Variants in RBM27 observed in about 807,000 individuals in gnomAD.
The protein encoded by RBM27 is RNA-binding protein 27.
In RBM27, 22 loss-of-function variants were observed where a neutral mutation model predicts 135.3. The observed-to-expected ratio is 0.16, with a 90% CI of 0.12 to 0.23. The LOEUF (loss-of-function observed/expected upper bound fraction) is 0.23. Among genes scored for constraint, RBM27 ranks in the 10% least tolerant of loss-of-function variants. The pLI is 1.00. For missense variants in RBM27, 1,009 were observed against 1,281.0 expected, an observed-to-expected ratio of 0.79 and a Z score of 3.24; for synonymous variants, 481 against 442.4, an observed-to-expected ratio of 1.09 and a Z score of -1.10.
chr5:146,212,873 C>G (rs562707863), intron 1 of RBM27, among the ~76,000 whole-genome samples: 1 of 151,952 alleles, frequency 6.6e-6, no homozygotes, highest in Non-Finnish European at 1.5e-5. Context: ...ACTACCGTGC[C>G]CAGCTAATAA....
intron 19 of RBM27, among the ~76,000 whole-genome samples, chr5:146,275,570 A>C (rs780735710): frequency 2.2e-4 from 33 of 152,126 alleles, no homozygotes; most frequent in Non-Finnish European, 4.3e-4. Flanking sequence ...CCCGGCCCAG[A>C]AAGAACTTTT....
chr5:146,258,246 A>G (rs1758209140), intron 10 of RBM27, among the ~76,000 whole-genome samples: 1 of 152,122 alleles, frequency 6.6e-6, no homozygotes, highest in African/African-American at 2.4e-5. Flanking sequence ...CAATTATTAC[A>G]TCGAGGTTAA....
At chr5:146,215,960 AG>A (rs1440092335) in intron 1 of RBM27, among the ~76,000 whole-genome samples, 6 of 152,114 alleles carry the variant, frequency 3.9e-5, no homozygotes, top group Non-Finnish European at 8.8e-5. Flanking sequence ...CATTTGGGTC[AG>A]GCTGGTCTTG....
At chr5:146,205,771 G>A (rs918269897) in intron 1 of RBM27, among the ~76,000 whole-genome samples, 8 of 152,040 alleles carry the variant, frequency 5.3e-5, no homozygotes, top group Non-Finnish European at 1.2e-4. Context: ...CTGTAATCCC[G>A]ACACTTTGGG....
chr5:146,260,742 T>C lies in RBM27; in HGVS notation c.1740-3T>C. ...AACCAAGATGTATTAATCTTCCTTT[T>C]AGGCAAGGAAATAACAATCAAAATA... On this transcript the variant is annotated splice_polypyrimidine_tract_variant and splice_region_variant and intron_variant, in intron 11 of 20. Coordinates refer to ENST00000265271, the MANE Select transcript of RBM27 (RefSeq NM_018989.2). 4 of 1,598,046 alleles carry C rather than the reference T, an allele frequency of 2.5e-6. No homozygotes were observed. Among genetic ancestry groups the C allele is most frequent in the Non-Finnish European group, 3.4e-6 (4 of 1,173,668 alleles).
intron 6 of RBM27, among the ~76,000 whole-genome samples, chr5:146,232,438 T>A (rs1309163060): frequency 6.6e-6 from 1 of 152,252 alleles, no homozygotes; most frequent in Admixed American, 6.5e-5. Context: ...CCCACATTTT[T>A]AACATAAATA....
intron 8 of RBM27, 30 bp from the exon 9 acceptor site, chr5:146,251,681 C>G: frequency 6.4e-7 from 1 of 1,563,064 alleles, no homozygotes; most frequent in South Asian, 1.1e-5. Flanking sequence ...ACTCTCATTC[C>G]CAGCTGCCCT....
At position 146,280,466 on chromosome 5, in the gene RBM27, C is replaced by G. The variant is rs369149655; in HGVS notation, c.2989-4156C>G. 1.3e-4 allele frequency among the ~76,000 whole-genome samples: 20 copies of G among 152,302 alleles called. No individual in the cohort carries two copies. In the East Asian group the frequency reaches 2.1e-3, roughly 16 times the overall value. ...TCAATGATTTATGAGAAGGCAAACACCTAATATACCTATACCTCAGGTCAA... is the reference window on the plus strand; with the variant it reads ...TCAATGATTTATGAGAAGGCAAACAGCTAATATACCTATACCTCAGGTCAA... On this transcript the variant is annotated intron_variant, in intron 19 of 20. Coordinates refer to ENST00000265271, the MANE Select transcript of RBM27 (RefSeq NM_018989.2).
At chr5:146,272,804 T>G (rs1758925542) in intron 19 of RBM27, among the ~76,000 whole-genome samples, 2 of 152,174 alleles carry the variant, frequency 1.3e-5, no homozygotes, top group African/African-American at 4.8e-5. Context: ...ATTAGTTTGA[T>G]GCCCATTAAC....
chr5:146,237,384 A>AT lies in RBM27; in HGVS notation c.1231_1232insT (p.Arg411MetfsTer24), dbSNP rs772844171. On this transcript the variant is annotated frameshift_variant, in exon 8 of 21. Transcript: ENST00000265271. LOFTEE classifies it high-confidence loss of function. ...GCCCAATCTTGCATCAGTGGGAACA[A>AT]GACTACCTCCTCCTTTACCCCAGAA... The AT allele has an allele frequency of 6.8e-6, 11 of 1,613,970 alleles. No individual in the cohort carries two copies. Among genetic ancestry groups the AT allele is most frequent in the Non-Finnish European group, 2.5e-6 (3 of 1,179,928 alleles).
chr5:146,248,637 T>A (rs1159540235), intron 8 of RBM27, among the ~76,000 whole-genome samples: 1 of 152,188 alleles, frequency 6.6e-6, no homozygotes, highest in Non-Finnish European at 1.5e-5. Flanking sequence ...GGCTAATTTT[T>A]GTAATTTTAG....
At position 146,286,273 on chromosome 5, in the gene RBM27, T is replaced by G; in HGVS notation, c.*243T>G. 1 of 296,622 alleles carries G rather than the reference T, an allele frequency of 3.4e-6. No homozygotes were observed. The highest frequency in any genetic ancestry group is 6.1e-6 in the Non-Finnish European group (1 of 162,932). The allele number at this position is 296,622 out of a possible 1,614,324, so 18.4% of individuals were successfully genotyped here. On this transcript the variant is annotated 3_prime_UTR_variant, in exon 21 of 21. Transcript: ENST00000265271. ...CCACAGCAATGACATGGATAATCTC[T>G]AGAGCCTTATTTTCCACACCACCTT...
Position 146,211,464 on chromosome 5 carries a change from C to CTTTTTTTTTTTT in RBM27, c.60-7502_60-7491dup, listed in dbSNP as rs57117642. On this transcript the variant is annotated intron_variant, in intron 1 of 20. Transcript: ENST00000265271. ...CTTACTTTGTCCAGTATGGTCTTAT[C>CTTTTTTTTTTTT]TTTTTTTTTTTTTTTTTTTTTTTTT... 3.8e-4 allele frequency among the ~76,000 whole-genome samples: 19 copies of CTTTTTTTTTTTT among 49,930 alleles called. 1 individual carries two copies. The highest frequency in any genetic ancestry group is 5.2e-4 in the Non-Finnish European group (14 of 26,922). The allele number at this position is 49,930 out of a possible 152,430, so 32.8% of individuals were successfully genotyped here. A position where few individuals can be genotyped will look rare whatever the true frequency, so the allele number is the denominator to read the frequency against.
chr5:146,277,417 G>C (rs1433947455), intron 19 of RBM27, among the ~76,000 whole-genome samples: 2 of 151,340 alleles, frequency 1.3e-5, no homozygotes, highest in African/African-American at 4.9e-5. Context: ...TAATTTTTAT[G>C]TACAGCCCCC....
At chr5:146,229,342 T>C (rs2126746101) in intron 4 of RBM27, among the ~76,000 whole-genome samples, 1 of 152,328 alleles carries the variant, frequency 6.6e-6, no homozygotes, top group South Asian at 2.1e-4. Flanking sequence ...ATCATCCAAG[T>C]CATTTTTTTA....
chr5:146,242,531 G>A (rs1371241211), intron 8 of RBM27, among the ~76,000 whole-genome samples: 1 of 152,232 alleles, frequency 6.6e-6, no homozygotes, highest in Non-Finnish European at 1.5e-5. Flanking sequence ...TTGAAGACTA[G>A]TAGAGTTCCT....
At chr5:146,208,040 T>G (rs191006736) in intron 1 of RBM27, among the ~76,000 whole-genome samples, 10 of 149,328 alleles carry the variant, frequency 6.7e-5, no homozygotes, top group East Asian at 6.0e-4. Flanking sequence ...CACTGCAACT[T>G]CTGCCTCCCG....
intron 6 of RBM27, among the ~76,000 whole-genome samples, chr5:146,232,932 T>A (rs1233961541): frequency 6.6e-6 from 1 of 152,212 alleles, no homozygotes; most frequent in African/African-American, 2.4e-5. Flanking sequence ...ATGTTTGGGA[T>A]GTTTCTATTA....
intron 1 of RBM27, among the ~76,000 whole-genome samples, chr5:146,207,245 T>C (rs1331345166): frequency 6.6e-6 from 1 of 152,088 alleles, no homozygotes; most frequent in Non-Finnish European, 1.5e-5. Context: ...TTTTTTGAGG[T>C]GGAATCTCTC....
Sources: gnomAD v4.1 joint callset for allele counts (sites outside exome capture counted in the v4.1 genomes callset) on GRCh38, gnomAD v4.1.1 for gene constraint, MANE v1.5 for transcripts, NCBI Gene and HGNC (gene_info 2026-07-23, HGNC 2026-07-21) for gene names.